Variants in ZKSCAN7 observed in about 807,000 individuals in gnomAD.
The protein encoded by ZKSCAN7 is zinc finger protein with KRAB and SCAN domains 7.
A neutral mutation model predicts 65.3 loss-of-function variants in ZKSCAN7; 38 were observed. The ratio of observed to expected loss-of-function variants is 0.58; its 90% CI spans 0.45 to 0.76. ZKSCAN7 has a LOEUF of 0.76. ZKSCAN7 is among the 30% of genes least tolerant of loss of function. ZKSCAN7 has a pLI of 0.00. For synonymous variants in ZKSCAN7, 321 were observed against 321.0 expected (o/e 1.00, Z 0.00); for missense variants, 815 against 913.3 (o/e 0.89, Z 1.39).
At position 44,580,150 on chromosome 3, in the gene ZKSCAN7, G is replaced by A. The variant is rs530377725; in HGVS notation, c.812-2822G>A. 1.4e-4 allele frequency: 231 copies of A among 1,611,210 alleles called. No individual in the cohort carries two copies. In the African/African-American group the frequency reaches 2.8e-3, roughly 19 times the overall value. On this transcript the variant is annotated intron_variant, in intron 5 of 5. Transcript: ENST00000341840. Reference sequence around the variant, plus strand: ...ATCACCTGGGACCTCCTGTGGTTGGGGGTGCTGGGGCTGGGAGGGGAGAGC... The same window carrying A: ...ATCACCTGGGACCTCCTGTGGTTGGAGGTGCTGGGGCTGGGAGGGGAGAGC...
In ZKSCAN7 at chr3:44,570,546, G is replaced by A; in HGVS notation, c.1436G>A (p.Ser479Asn). Residue 479 changes from serine (S) to asparagine (N), a missense_variant, in exon 6 of 6, where the codon AGT (serine) becomes AAT (asparagine). Physicochemically the swap from Ser to Asn is conservative, Grantham distance 46 (BLOSUM62 1). Around this residue, in one of 3 missense-constraint regions of ZKSCAN7, gnomAD observed 578 missense variants for 629.5 expected, o/e 0.92. Coordinates refer to ENST00000426540, the MANE Select transcript of ZKSCAN7 (RefSeq NM_001288590.2). ...CNECAKAFTQ[S>N]SRLTDHQRTH... is the part of the protein sequence containing the mutation. The stretch of plus-strand genomic sequence containing the variant: ...GAATGTGCAAAAGCCTTTACTCAGA[G>A]TTCCCGACTCACTGACCACCAGAGA... 1 of 1,612,494 alleles carries A rather than the reference G, an allele frequency of 6.2e-7. No individual in the cohort carries two copies. Among genetic ancestry groups the A allele is most frequent in the Non-Finnish European group, 8.5e-7 (1 of 1,178,606 alleles).
chr3:44,579,974 T>C (rs1037153583), intron 5 of ZKSCAN7: 2 of 1,443,688 alleles, frequency 1.4e-6, no homozygotes, highest in Non-Finnish European at 9.5e-7. Flanking sequence ...GGAGAGGAGC[T>C]TGGGGGGGGG....
chr3:44,568,727 T>C (rs1699708732), intron 5 of ZKSCAN7, among the ~76,000 whole-genome samples: 1 of 152,172 alleles, frequency 6.6e-6, no homozygotes, highest in Non-Finnish European at 1.5e-5. Flanking sequence ...CTTAAAGGAA[T>C]GAGAACCTGG....
At chr3:44,573,970 C>T (rs1699875628), downstream of ZKSCAN7, among the ~76,000 whole-genome samples, 1 of 152,158 alleles carries the variant, frequency 6.6e-6, no homozygotes, top group Non-Finnish European at 1.5e-5. Context: ...AGCCATACCT[C>T]AAATTCTATT....
At chr3:44,580,779 C>A (rs1041229354) in intron 5 of ZKSCAN7, 7 of 1,612,674 alleles carry the variant, frequency 4.3e-6, no homozygotes, top group Non-Finnish European at 5.9e-6. Flanking sequence ...CAGGGCGTAG[C>A]GCAAGAGGCC....
At chr3:44,581,083 C>G in intron 5 of ZKSCAN7, 1 of 1,125,278 alleles carries the variant, frequency 8.9e-7, no homozygotes, top group Non-Finnish European at 1.1e-6. Context: ...TCCCGGCGGG[C>G]TAGGGGCTCA....
chr3:44,576,378 G>A (rs1699924129), downstream of ZKSCAN7, among the ~76,000 whole-genome samples: 2 of 152,082 alleles, frequency 1.3e-5, no homozygotes, highest in South Asian at 2.1e-4. Context: ...CAGAATATGT[G>A]GATGCGGAAC....
At chr3:44,581,073 T>C (rs2125737266) in intron 5 of ZKSCAN7, 1 of 1,264,192 alleles carries the variant, frequency 7.9e-7, no homozygotes, top group Non-Finnish European at 1.0e-6. Flanking sequence ...GGCCTGGCGC[T>C]CCCGGCGGGC....
At chr3:44,564,544 A>G (rs1699573813) in intron 2 of ZKSCAN7, among the ~76,000 whole-genome samples, 1 of 152,240 alleles carries the variant, frequency 6.6e-6, no homozygotes, top group Admixed American at 6.5e-5. Context: ...TAATACATGC[A>G]ATCTAGAAAT....
chr3:44,559,318 A>G (rs1271497624), intron 2 of ZKSCAN7, among the ~76,000 whole-genome samples: 1 of 152,082 alleles, frequency 6.6e-6, no homozygotes, highest in African/African-American at 2.4e-5. Context: ...TGAGTTTCAA[A>G]TTGTTCCCCT....
At position 44,571,442 on chromosome 3, in the gene ZKSCAN7, A is replaced by G. The variant is rs1218437984; in HGVS notation, c.*67A>G. The G allele has an allele frequency of 1.9e-6, 3 of 1,603,104 alleles. No individual in the cohort carries two copies. The highest frequency in any genetic ancestry group is 2.7e-5 in the African/African-American group (2 of 74,902). On this transcript the variant is annotated 3_prime_UTR_variant, in exon 6 of 6. Transcript: ENST00000426540. ...AGCTGTCTTTATAAGCAGGATGCTC[A>G]TAGTGGTTTCCCGGAGCCAGTAGTC...
chr3:44,558,782 A>T (rs1390014881), intron 2 of ZKSCAN7, among the ~76,000 whole-genome samples: 507 of 92,596 alleles, frequency 5.5e-3, no homozygotes, highest in African/African-American at 7.5e-3. Flanking sequence ...TTTCTTCTTC[A>T]TTTTTTTTTT....
chr3:44,578,211 T>C, intron 5 of ZKSCAN7: 13 of 1,520,782 alleles, frequency 8.5e-6, no homozygotes, highest in Non-Finnish European at 1.1e-5. Context: ...GTAGATGTCT[T>C]TGTGGTGTCA....
intron 2 of ZKSCAN7, among the ~76,000 whole-genome samples, chr3:44,563,556 G>C (rs1199091525): frequency 6.6e-6 from 1 of 152,170 alleles, no homozygotes; most frequent in Non-Finnish European, 1.5e-5. Context: ...GCAGGAAAGA[G>C]AGAGCACACA....
In ZKSCAN7 at chr3:44,572,014, G is replaced by T. The variant is rs1699819220; in HGVS notation, c.*639G>T. 1.0e-6 allele frequency: 1 copy of T among 985,608 alleles called. No homozygotes were observed. Among genetic ancestry groups the T allele is most frequent in the South Asian group, 4.7e-5 (1 of 21,306 alleles). 61.1% of individuals were successfully genotyped at this position (985,608 alleles called of 1,614,324 possible). A position where few individuals can be genotyped will look rare whatever the true frequency, so the allele number is the denominator to read the frequency against. The stretch of plus-strand genomic sequence containing the variant: ...CACTGGTGCTACAATATGTAACTGT[G>T]GTTAATTGCCTTGTAAATTTTGCGT... On this transcript the variant is annotated 3_prime_UTR_variant, in exon 6 of 6. Coordinates refer to ENST00000426540, the MANE Select transcript of ZKSCAN7 (RefSeq NM_001288590.2).
At chr3:44,580,238 G>A (rs1559434741) in intron 5 of ZKSCAN7, 1 of 1,612,658 alleles carries the variant, frequency 6.2e-7, no homozygotes, top group African/African-American at 1.3e-5. Context: ...GAGAGAAGTA[G>A]CTGCTCTCCC....
chr3:44,579,091 G>T (rs1297838856), intron 5 of ZKSCAN7, among the ~76,000 whole-genome samples: 1 of 152,232 alleles, frequency 6.6e-6, no homozygotes, highest in Non-Finnish European at 1.5e-5. Flanking sequence ...TCTCTTCCCG[G>T]AGAGGCGTGG....
At position 44,572,048 on chromosome 3, in the gene ZKSCAN7, A is replaced by G; in HGVS notation, c.*673A>G. 1 of 985,680 alleles carries G rather than the reference A, an allele frequency of 1.0e-6. No individual in the cohort carries two copies. The allele number at this position is 985,680 out of a possible 1,614,324, so 61.1% of individuals were successfully genotyped here. On this transcript the variant is annotated 3_prime_UTR_variant, in exon 6 of 6. Coordinates refer to ENST00000426540, the MANE Select transcript of ZKSCAN7 (RefSeq NM_001288590.2). ...CCTTGTAAATTTTGCGTGTCTGTAT[A>G]CTTTTATACCAACTTATTGTAGGCT...
At chr3:44,581,327 TC>T (rs1324511688) in intron 5 of ZKSCAN7, among the ~76,000 whole-genome samples, 1 of 150,958 alleles carries the variant, frequency 6.6e-6, no homozygotes, top group Admixed American at 6.6e-5. Context: ...GTCGCCGCCG[TC>T]CCGGCTCGTC....
Sources: allele counts gnomAD v4.1 joint callset (sites outside exome capture counted in the v4.1 genomes callset), GRCh38; gene constraint gnomAD v4.1.1; regional missense constraint gnomAD v4.1.1; transcripts MANE v1.5; gene names NCBI Gene and HGNC (gene_info 2026-07-23, HGNC 2026-07-21).